Variants in CECR2 observed in about 807,000 individuals in gnomAD.
CECR2 encodes CECR2 histone acetyl-lysine reader, also known as chromatin remodeling regulator CECR2.
Under a neutral mutation model 154.5 loss-of-function variants are expected in CECR2, and 30 were observed. The observed-to-expected ratio is 0.19, with a 90% CI of 0.15 to 0.26. The LOEUF (loss-of-function observed/expected upper bound fraction) is 0.26. CECR2 is among the 10% of genes least tolerant of loss of function. The pLI is 1.00. For synonymous variants in CECR2, 725 were observed against 683.7 expected (o/e 1.06, Z -0.94); for missense variants, 1,743 against 1,829.3 (o/e 0.95, Z 0.86).
intron 1 of CECR2, among the ~76,000 whole-genome samples, chr22:17,449,769 G>A (rs920042771): frequency 1.1e-4 from 16 of 152,168 alleles, no homozygotes; most frequent in African/African-American, 2.7e-4. Context: ...GATTACAGGC[G>A]TGAGCCACCA....
At chr22:17,477,529 G>T in intron 1 of CECR2, 59 bp from the exon 2 acceptor site, 1 of 1,107,494 alleles carries the variant, frequency 9.0e-7, no homozygotes. Flanking sequence ...GGTAGGAAGG[G>T]GTGTGTATTT....
chr22:17,391,333 T>A (rs2063323425), intron 1 of CECR2, among the ~76,000 whole-genome samples: 2 of 152,226 alleles, frequency 1.3e-5, no homozygotes, highest in Admixed American at 6.5e-5. Context: ...CCAACCCAGT[T>A]ATCCTAGATG....
At chr22:17,532,938 C>G (rs1283790342) in intron 9 of CECR2, among the ~76,000 whole-genome samples, 7 of 151,572 alleles carry the variant, frequency 4.6e-5, no homozygotes, top group Middle Eastern at 3.4e-3. Flanking sequence ...TCAGGCTGTT[C>G]TTGAACTCCT....
intron 1 of CECR2, among the ~76,000 whole-genome samples, chr22:17,453,039 A>T (rs539358907): frequency 6.6e-6 from 1 of 152,344 alleles, no homozygotes; most frequent in African/African-American, 2.4e-5. Context: ...ATTGAAATAT[A>T]GGAATTTTTC....
intron 1 of CECR2, among the ~76,000 whole-genome samples, chr22:17,370,200 C>G (rs1158269064): frequency 6.6e-6 from 1 of 150,658 alleles, no homozygotes. Context: ...GGAGCGGGAC[C>G]CGGCGACCCT....
chr22:17,510,471 A>C (rs79857568), intron 7 of CECR2, among the ~76,000 whole-genome samples: 34 of 93,440 alleles, frequency 3.6e-4, no homozygotes, highest in East Asian at 6.9e-4. Flanking sequence ...ACCTATGAAA[A>C]AAAAAAAGAG....
Position 17,362,371 on chromosome 22 carries a change from A to G in CECR2, c.-364+2348A>G, listed in dbSNP as rs1258331263. Among the ~76,000 whole-genome samples, 6 of 152,282 alleles carry G rather than the reference A, an allele frequency of 3.9e-5. No homozygotes were observed. The East Asian group carries it at 1.2e-3, about 29-fold the overall frequency. On this transcript the variant is annotated intron_variant, in intron 1 of 18. Coordinates refer to the CECR2 transcript ENST00000400585. The stretch of plus-strand genomic sequence containing the variant: ...AAGAATCAATAATTTAGAGGGGCCA[A>G]GTGAGTACTGATTATTTAGGTTACT...
Position 17,553,087 on chromosome 22 carries a change from C to G in CECR2, c.*247C>G, listed in dbSNP as rs2056733674. On this transcript the variant is annotated 3_prime_UTR_variant, in exon 19 of 19. Coordinates refer to ENST00000262608, the MANE Select transcript of CECR2 (RefSeq NM_001290047.2). The stretch of plus-strand genomic sequence containing the variant: ...TGCACAGCTGATGTAGACAGTCAGG[C>G]AAAACTAATGAACGTGGAGTTAATG... 2.7e-6 allele frequency: 2 copies of G among 752,194 alleles called. No individual in the cohort carries two copies. The highest frequency in any genetic ancestry group is 5.0e-5 in the South Asian group (1 of 19,808). 46.6% of individuals were successfully genotyped at this position (752,194 alleles called of 1,614,324 possible).
intron 8 of CECR2, among the ~76,000 whole-genome samples, chr22:17,518,004 C>T (rs2056089045): frequency 6.6e-6 from 1 of 152,202 alleles, no homozygotes; most frequent in African/African-American, 2.4e-5. Context: ...AGGGCTTTGA[C>T]ACTGACCACC....
intron 1 of CECR2, among the ~76,000 whole-genome samples, chr22:17,438,970 C>T (rs921439588): frequency 6.6e-6 from 1 of 152,014 alleles, no homozygotes; most frequent in Admixed American, 6.6e-5. Context: ...GAGGCCAGGA[C>T]TTAGAGACCA....
intron 1 of CECR2, among the ~76,000 whole-genome samples, chr22:17,449,269 A>G (rs182017365): frequency 7.9e-5 from 12 of 152,176 alleles, no homozygotes; most frequent in Non-Finnish European, 1.5e-4. Flanking sequence ...TGGCTTGAAT[A>G]CAAACTCTGC....
chr22:17,512,863 A>C lies in CECR2; in HGVS notation c.954+967A>C, dbSNP rs1377083110. 3.3e-5 allele frequency among the ~76,000 whole-genome samples: 5 copies of C among 152,160 alleles called. No homozygotes were observed. The East Asian group carries it at 9.6e-4, about 29-fold the overall frequency. On this transcript the variant is annotated intron_variant, in intron 8 of 18. Transcript: ENST00000262608. ...TGATCTGTGGGGAGATGAAATTCTT[A>C]GGTGTCAAGACCTCGCCATGGAGGG...
In CECR2 at chr22:17,369,596, GCCGCCGCCCCCCGC is replaced by G. The variant is rs2063029900; in HGVS notation, c.-184_-171del. 6.8e-6 allele frequency: 1 copy of G among 146,932 alleles called. No individual in the cohort carries two copies. The highest frequency in any genetic ancestry group is 2.4e-5 in the African/African-American group (1 of 40,854). The allele number at this position is 146,932 out of a possible 1,614,324, so 9.1% of individuals were successfully genotyped here. A position where few individuals can be genotyped will look rare whatever the true frequency, so the allele number is the denominator to read the frequency against. On this transcript the variant is annotated 5_prime_UTR_variant, in exon 1 of 19. Transcript: ENST00000262608. ...CCGCCTCAGTAGTTCGGGCCCCCGC[GCCGCCGCCCCCCGC>G]CCGGCGCCCGCCCTCGGCTCCTGCA...
Position 17,390,830 on chromosome 22 carries a change from A to ATT in CECR2, c.126+20927_126+20928dup, listed in dbSNP as rs11400106. On this transcript the variant is annotated intron_variant, in intron 1 of 18. Transcript: ENST00000262608. ...AAATATAATTTATAAAAAGACTTTGATTTTTTTAACTTTGAAAATTAATCT... is the reference window on the plus strand; with the variant it reads ...AAATATAATTTATAAAAAGACTTTGATTTTTTTTTAACTTTGAAAATTAATCT... Among the ~76,000 whole-genome samples, 238 of 152,080 alleles carry ATT rather than the reference A, an allele frequency of 1.6e-3. 1 individual carries two copies. Among genetic ancestry groups the ATT allele is most frequent in the African/African-American group, 5.5e-3 (227 of 41,454 alleles).
At position 17,398,209 on chromosome 22, in the gene CECR2, G is replaced by C. The variant is rs181554527; in HGVS notation, c.126+28300G>C. 5.3e-5 allele frequency among the ~76,000 whole-genome samples: 8 copies of C among 151,782 alleles called. No individual in the cohort carries two copies. In the East Asian group the frequency reaches 5.8e-4, roughly 11 times the overall value. On this transcript the variant is annotated intron_variant, in intron 1 of 18. Coordinates refer to ENST00000262608, the MANE Select transcript of CECR2 (RefSeq NM_001290047.2). ...GCATTTTGGTATAACAAAGTGGGGG[G>C]GGGTATTATAAAATATAAAATACGT...
chr22:17,525,701 T>C (rs1289458368), intron 9 of CECR2, among the ~76,000 whole-genome samples: 1 of 152,252 alleles, frequency 6.6e-6, no homozygotes, highest in Non-Finnish European at 1.5e-5. Flanking sequence ...CATAATTGGC[T>C]ATGTCCAGTG....
At chr22:17,444,035 A>C (rs1254853364) in intron 1 of CECR2, among the ~76,000 whole-genome samples, 4 of 152,184 alleles carry the variant, frequency 2.6e-5, no homozygotes, top group African/African-American at 9.6e-5. Flanking sequence ...CCTTCCTCCC[A>C]GGTATTTGCA....
intron 9 of CECR2, chr22:17,534,611 C>T (rs903719981): frequency 2.6e-5 from 4 of 151,644 alleles, no homozygotes; most frequent in African/African-American, 9.7e-5. Context: ...GGGTTCACAC[C>T]ATTCTCTTGC....
chr22:17,493,840 C>T (rs1229652366), intron 2 of CECR2, among the ~76,000 whole-genome samples: 5 of 152,146 alleles, frequency 3.3e-5, no homozygotes, highest in Non-Finnish European at 7.4e-5. Context: ...AGAAAGGTCT[C>T]GCTCCCTGGC....
Sources: allele counts gnomAD v4.1 joint callset (sites outside exome capture counted in the v4.1 genomes callset), GRCh38; gene constraint gnomAD v4.1.1; transcripts MANE v1.5; gene names NCBI Gene and HGNC (gene_info 2026-07-23, HGNC 2026-07-21).